Variants in CCDC88C observed in about 807,000 individuals in gnomAD.
CCDC88C encodes coiled-coil and HOOK domain protein 88C.
CCDC88C carries 131 observed loss-of-function variants against 198.8 expected under a neutral mutation model. The ratio of observed to expected loss-of-function variants is 0.66; its 90% CI spans 0.57 to 0.76. CCDC88C has a LOEUF of 0.76. Among genes scored for constraint, CCDC88C ranks in the 30% least tolerant of loss-of-function variants. CCDC88C has a pLI of 0.00. For missense variants in CCDC88C, 2,553 were observed against 2,631.6 expected (o/e 0.97, Z 0.65); for synonymous variants, 1,166 against 1,114.7 (o/e 1.05, Z -0.92).
At chr14:91,345,487 G>A (rs1184017394) in intron 4 of CCDC88C, among the ~76,000 whole-genome samples, 8 of 152,050 alleles carry the variant, frequency 5.3e-5, no homozygotes, top group Non-Finnish European at 8.8e-5. Context: ...AGCCGTGCCC[G>A]GCCTTAAAAT....
chr14:91,315,094 G>C (rs1336143810), intron 14 of CCDC88C, among the ~76,000 whole-genome samples: 2 of 152,146 alleles, frequency 1.3e-5, no homozygotes, highest in Non-Finnish European at 2.9e-5. Context: ...GAGCATCCTT[G>C]GGAGGGTTTC....
chr14:91,276,449 G>A (rs1454903045), intron 29 of CCDC88C, among the ~76,000 whole-genome samples: 4 of 152,248 alleles, frequency 2.6e-5, no homozygotes, highest in African/African-American at 4.8e-5. Context: ...TATTTCTCTC[G>A]TGTCAACTGC....
intron 10 of CCDC88C, among the ~76,000 whole-genome samples, chr14:91,331,115 T>TG (rs1298066343): frequency 3.0e-5 from 1 of 33,354 alleles, no homozygotes; most frequent in Non-Finnish European, 6.6e-5. Flanking sequence ...GGGGCGGGGG[T>TG]GGGGGGAGCG....
intron 18 of CCDC88C, 114 bp from the exon 19 acceptor site, chr14:91,306,040 G>T: frequency 9.7e-7 from 1 of 1,034,458 alleles, no homozygotes; most frequent in Non-Finnish European, 1.4e-6. Flanking sequence ...GGGCCAAATC[G>T]AGGGTCCGCT....
At chr14:91,320,024 CAAAAAAAAAAAAAAAA>C (rs61102058) in intron 13 of CCDC88C, among the ~76,000 whole-genome samples, 3 of 24,156 alleles carry the variant, frequency 1.2e-4, no homozygotes, top group South Asian at 1.2e-3. Flanking sequence ...AACTCAGTCT[CAAAAAAAAAAAAAAAA>C]AAAAAAAAAA....
rs746549164 is a variant in CCDC88C, at chr14:91,307,031, C to T, written c.3195+7G>A. On this transcript the variant is annotated splice_region_variant and intron_variant, in intron 18 of 29. Transcript: ENST00000389857. ...CCGATGGACCATGCCCAGGCCAGCC[C>T]ACTCACATTCCGCTCCAGCTCGATG... 97 of 1,605,650 alleles carry T rather than the reference C, an allele frequency of 6.0e-5. No individual in the cohort carries two copies. In the South Asian group the frequency reaches 9.1e-4, roughly 15 times the overall value.
chr14:91,343,729 G>A (rs2139869827), intron 4 of CCDC88C, 72 bp from the exon 5 acceptor site: 1 of 1,573,826 alleles, frequency 6.4e-7, no homozygotes, highest in East Asian at 2.3e-5. Flanking sequence ...TTTACCGTAG[G>A]GAAAAAACAG....
chr14:91,335,780 A>G (rs896057048), intron 10 of CCDC88C, among the ~76,000 whole-genome samples: 1 of 152,188 alleles, frequency 6.6e-6, no homozygotes, highest in Non-Finnish European at 1.5e-5. Context: ...GGAATCCCAA[A>G]TTGTTCTAAG....
chr14:91,327,782 A>G (rs1225220944), intron 10 of CCDC88C, among the ~76,000 whole-genome samples: 1 of 152,206 alleles, frequency 6.6e-6, no homozygotes, highest in Non-Finnish European at 1.5e-5. Flanking sequence ...GCGTTCCAGC[A>G]GGGTCCACCG....
intron 26 of CCDC88C, among the ~76,000 whole-genome samples, chr14:91,281,911 T>C (rs1342966103): frequency 3.3e-5 from 5 of 152,078 alleles, no homozygotes; most frequent in African/African-American, 9.6e-5. Context: ...CTTCAGGTGG[T>C]AGGAGGAAGA....
chr14:91,309,963 C>T lies in CCDC88C; in HGVS notation c.2760G>A (p.Lys920=). ...CCAGCTCACTGCTGAGCTGCTGGCTCTTCAGCTTCTCGAGCACCAGGTCCT... is the reference window on the plus strand; with the variant it reads ...CCAGCTCACTGCTGAGCTGCTGGCTTTTCAGCTTCTCGAGCACCAGGTCCT... ...LREDLVLEKL[K]SQQLSSELDK... The change falls in exon 16 of 30, where the codon AAG becomes AAA. Residue 920 remains lysine (K), a synonymous_variant. Coordinates refer to ENST00000389857, the MANE Select transcript of CCDC88C (RefSeq NM_001080414.4). The T allele has an allele frequency of 1.2e-6, 2 of 1,601,054 alleles. No individual in the cohort carries two copies. The highest frequency in any genetic ancestry group is 2.3e-5 in the East Asian group (1 of 44,334).
intron 10 of CCDC88C, among the ~76,000 whole-genome samples, chr14:91,336,305 T>A (rs550124187): frequency 2.0e-4 from 31 of 152,314 alleles, no homozygotes; most frequent in African/African-American, 7.5e-4. Context: ...CGCGTCTATG[T>A]GACTGAGCGA....
intron 12 of CCDC88C, among the ~76,000 whole-genome samples, chr14:91,322,321 C>T (rs933530749): frequency 2.0e-5 from 3 of 152,174 alleles, no homozygotes; most frequent in Non-Finnish European, 2.9e-5. Context: ...AACAGCATCT[C>T]GTTTCCCTCT....
chr14:91,400,404 G>A (rs1886104299), intron 3 of CCDC88C, among the ~76,000 whole-genome samples: 1 of 152,240 alleles, frequency 6.6e-6, no homozygotes, highest in Non-Finnish European at 1.5e-5. Context: ...CTTGAATTCT[G>A]AACGGACTGC....
chr14:91,403,159 G>T (rs1325026768), intron 3 of CCDC88C, among the ~76,000 whole-genome samples: 1 of 152,192 alleles, frequency 6.6e-6, no homozygotes, highest in African/African-American at 2.4e-5. Flanking sequence ...TGCTGCCTCT[G>T]CACCTGGCGA....
intron 3 of CCDC88C, chr14:91,379,510 T>C (rs1884654114): frequency 5.0e-6 from 2 of 396,290 alleles, no homozygotes; most frequent in Non-Finnish European, 9.2e-6. Context: ...GGCCCACACA[T>C]GTGCTGTTGC....
At chr14:91,375,686 C>T (rs1358288387) in intron 3 of CCDC88C, among the ~76,000 whole-genome samples, 1 of 152,194 alleles carries the variant, frequency 6.6e-6, no homozygotes, top group Non-Finnish European at 1.5e-5. Flanking sequence ...AGCAGGATGG[C>T]AGTCTGTGCC....
intron 16 of CCDC88C, among the ~76,000 whole-genome samples, chr14:91,309,141 A>G (rs1891691943): frequency 6.6e-6 from 1 of 152,190 alleles, no homozygotes; most frequent in South Asian, 2.1e-4. Context: ...AGGCGTAAGA[A>G]TCACTTAAAA....
chr14:91,278,889 CTTTTTTTTT>C (rs10671669), intron 28 of CCDC88C, among the ~76,000 whole-genome samples: 51 of 54,506 alleles, frequency 9.4e-4, no homozygotes, highest in African/African-American at 2.8e-3. Flanking sequence ...ACCAAATACA[CTTTTTTTTT>C]TTTTTTTTTT....
Sources: allele counts gnomAD v4.1 joint callset (sites outside exome capture counted in the v4.1 genomes callset), GRCh38; gene constraint gnomAD v4.1.1; transcripts MANE v1.5; gene names NCBI Gene and HGNC (gene_info 2026-07-23, HGNC 2026-07-21).